Variants in CNIH3 observed in about 807,000 individuals in gnomAD.
The protein encoded by CNIH3 is cornichon family AMPA receptor auxiliary protein 3, also known as protein cornichon homolog 3.
CNIH3 carries 14 observed loss-of-function variants against 24.1 expected under a neutral mutation model. The observed-to-expected ratio is 0.58, with a 90% CI of 0.38 to 0.91. The LOEUF is 0.91. Ranked by LOEUF, CNIH3 falls within the 40% of genes least tolerant of loss-of-function variation. CNIH3 has a pLI of 0.00. For synonymous variants in CNIH3, 68 were observed against 73.8 expected (o/e 0.92, Z 0.40); for missense variants, 178 against 196.8 (o/e 0.90, Z 0.57).
At chr1:224,627,373 G>C (rs1040136452) in intron 1 of CNIH3, among the ~76,000 whole-genome samples, 1 of 150,922 alleles carries the variant, frequency 6.6e-6, no homozygotes, top group Non-Finnish European at 1.5e-5. Flanking sequence ...TTACAGGCAC[G>C]TGCCACCACA....
intron 1 of CNIH3, among the ~76,000 whole-genome samples, chr1:224,506,261 GCA>G (rs1677904427): frequency 7.9e-6 from 1 of 126,750 alleles, no homozygotes; most frequent in African/African-American, 3.0e-5. Flanking sequence ...ACACTCATAT[GCA>G]CGCACACGCG....
intron 1 of CNIH3, among the ~76,000 whole-genome samples, chr1:224,666,178 A>G (rs1432056256): frequency 6.6e-6 from 1 of 152,180 alleles, no homozygotes; most frequent in African/African-American, 2.4e-5. Context: ...CCAAGCCAGA[A>G]CCCAAACTCA....
chr1:224,434,758 C>T (rs1185019261), exon 1 of CNIH3: 10 of 986,724 alleles, frequency 1.0e-5, no homozygotes, highest in Admixed American at 1.2e-4. Flanking sequence ...CTCCGCTCTG[C>T]TCCCTGGTGT....
At chr1:224,672,366 G>A (rs1685910169) in intron 1 of CNIH3, among the ~76,000 whole-genome samples, 1 of 152,186 alleles carries the variant, frequency 6.6e-6, no homozygotes, top group Non-Finnish European at 1.5e-5. Flanking sequence ...AGTAGTTTCA[G>A]GTATTTTGCA....
chr1:224,508,288 A>G (rs1036604952), intron 1 of CNIH3, among the ~76,000 whole-genome samples: 12 of 152,240 alleles, frequency 7.9e-5, no homozygotes, highest in African/African-American at 2.7e-4. Context: ...CAAACTCACA[A>G]CATGGCACAG....
In CNIH3 at chr1:224,734,563, G is replaced by A; in HGVS notation, c.312G>A (p.Arg104=). The change falls in exon 5 of 6, where the codon AGG becomes AGA. Residue 104 remains arginine, a splice_region_variant and synonymous_variant. Coordinates refer to ENST00000272133, the MANE Select transcript of CNIH3 (RefSeq NM_152495.2). ...ACAATGATGTCCTCTCTCCCTGCAG[G>A]TATTTCCACTGTCCAGCAGATAGCT... ...NVPLLFYHFW[R]YFHCPADSSE... The A allele has an allele frequency of 6.2e-7, 1 of 1,614,064 alleles. No homozygotes were observed. Among genetic ancestry groups the A allele is most frequent in the East Asian group, 2.2e-5 (1 of 44,888 alleles).
chr1:224,661,322 A>G (rs766374581), intron 1 of CNIH3: 28 of 295,842 alleles, frequency 9.5e-5, no homozygotes, highest in East Asian at 7.7e-4. Context: ...GTAGAAGTTG[A>G]TACACATTTG....
intron 1 of CNIH3, among the ~76,000 whole-genome samples, chr1:224,482,476 A>T (rs906411861): frequency 6.6e-6 from 1 of 151,872 alleles, no homozygotes; most frequent in African/African-American, 2.4e-5. Context: ...CAGGAATAGG[A>T]CCTTCCCTTC....
intron 1 of CNIH3, among the ~76,000 whole-genome samples, chr1:224,656,315 A>G (rs1054996325): frequency 6.6e-6 from 1 of 152,214 alleles, no homozygotes; most frequent in Non-Finnish European, 1.5e-5. Context: ...GGCCACATTG[A>G]ACTAAAGTAA....
At chr1:224,603,021 G>T (rs1256907290) in intron 3 of CNIH3, among the ~76,000 whole-genome samples, 1 of 152,196 alleles carries the variant, frequency 6.6e-6, no homozygotes, top group Non-Finnish European at 1.5e-5. Context: ...TGTGAGCTAT[G>T]CTTTTTTCCA....
chr1:224,723,119 C>T (rs143096528), intron 3 of CNIH3, among the ~76,000 whole-genome samples: 155 of 152,216 alleles, frequency 1.0e-3, no homozygotes, highest in Non-Finnish European at 1.1e-3. Flanking sequence ...TGGTCCCCAA[C>T]GAGCAGTGAG....
At chr1:224,562,909 T>C (rs1680431864) in intron 3 of CNIH3, among the ~76,000 whole-genome samples, 1 of 152,122 alleles carries the variant, frequency 6.6e-6, no homozygotes, top group African/African-American at 2.4e-5. Context: ...TAACACAAAG[T>C]GCTGAAAAGA....
intron 1 of CNIH3, among the ~76,000 whole-genome samples, chr1:224,497,622 A>T (rs1228964305): frequency 6.6e-6 from 1 of 152,232 alleles, no homozygotes. Flanking sequence ...TTGTTGTTAT[A>T]GATGCATTTC....
chr1:224,713,315 T>C (rs772365809), intron 3 of CNIH3, among the ~76,000 whole-genome samples: 1 of 152,258 alleles, frequency 6.6e-6, no homozygotes, highest in African/African-American at 2.4e-5. Flanking sequence ...TTGATTATCA[T>C]GGCGAAGTCT....
intron 1 of CNIH3, among the ~76,000 whole-genome samples, chr1:224,678,983 G>A (rs944314504): frequency 3.3e-5 from 5 of 151,932 alleles, no homozygotes; most frequent in South Asian, 2.1e-4. Flanking sequence ...CAACCCTGCC[G>A]TTGTGCAAAA....
chr1:224,463,773 A>ATTTTTTTTTTTTTTTTTTTT (rs56137320), intron 1 of CNIH3, among the ~76,000 whole-genome samples: 2 of 20,730 alleles, frequency 9.6e-5, no homozygotes, highest in African/African-American at 2.6e-4. Flanking sequence ...AATTGTCCTC[A>ATTTTTTTTTTTTTTTTTTTT]TTTTTTTTTT....
chr1:224,515,796 A>G (rs1261413119), upstream of CNIH3: 1 of 152,224 alleles, frequency 6.6e-6, no homozygotes, highest in Non-Finnish European at 1.5e-5. Context: ...CAAGCCGTCC[A>G]CGTTGTGGGA....
Position 224,574,734 on chromosome 1 carries a change from A to C in CNIH3, n.517-8430A>C, listed in dbSNP as rs574434229. The C allele has an allele frequency of 5.8e-5, 70 of 1,200,618 alleles. No homozygotes were observed. In the East Asian group the frequency reaches 1.6e-3, roughly 28 times the overall value. The allele number at this position is 1,200,618 out of a possible 1,614,324, so 74.4% of individuals were successfully genotyped here. A position where few individuals can be genotyped will look rare whatever the true frequency, so the allele number is the denominator to read the frequency against. On this transcript the variant is annotated intron_variant and non_coding_transcript_variant, in intron 4 of 5. Transcript: ENST00000471578. ...CTGCCAGAAGATGCTCATTGACCTG[A>C]AGCTGGACTACCTGGACCTCTACCT...
intron 2 of CNIH3, among the ~76,000 whole-genome samples, chr1:224,527,329 G>A (rs1440768763): frequency 6.6e-6 from 1 of 152,158 alleles, no homozygotes. Flanking sequence ...TCAAGGAATT[G>A]TGTGAGCCAC....
Sources: gnomAD v4.1 joint callset for allele counts (sites outside exome capture counted in the v4.1 genomes callset) on GRCh38, gnomAD v4.1.1 for gene constraint, MANE v1.5 for transcripts, NCBI Gene and HGNC (gene_info 2026-07-23, HGNC 2026-07-21) for gene names.